GSTA4: variants seen among roughly 807,000 people sequenced by gnomAD.
The protein encoded by GSTA4 is glutathione S-transferase A4.
A neutral mutation model predicts 24.4 loss-of-function variants in GSTA4; 15 were observed. The ratio of observed to expected loss-of-function variants is 0.61; its 90% CI spans 0.41 to 0.95. GSTA4 has a LOEUF of 0.95. Ranked by LOEUF, GSTA4 falls within the 40% of genes least tolerant of loss-of-function variation. The probability of loss-of-function intolerance (pLI) is 0.00; values close to 1 mark genes in which losing one functional copy is unlikely to be tolerated. For missense variants in GSTA4, 244 were observed against 262.1 expected, an observed-to-expected ratio of 0.93 and a Z score of 0.48; for synonymous variants, 92 against 94.2, an observed-to-expected ratio of 0.98 and a Z score of 0.13.
At chr6:52,988,092 CCT>C (rs1452818952) in intron 2 of GSTA4, 1 of 152,008 alleles carries the variant, frequency 6.6e-6, no homozygotes, top group African/African-American at 2.4e-5. Flanking sequence ...AACTAGGGGT[CCT>C]ATAAGAGAAG....
At chr6:52,993,874 T>G (rs534079316) in intron 2 of GSTA4, 46 of 466,810 alleles carry the variant, frequency 9.9e-5, no homozygotes, top group African/African-American at 8.5e-4. Flanking sequence ...TCAGAGTAAC[T>G]GACAATTTTC....
At chr6:52,988,283 T>TAAA (rs5876296) in intron 2 of GSTA4, among the ~76,000 whole-genome samples, 2 of 146,804 alleles carry the variant, frequency 1.4e-5, no homozygotes. Flanking sequence ...ATGATGATGC[T>TAAA]AAAAAAAAAA....
In GSTA4 at chr6:52,994,275, G is replaced by A. The variant is rs772238834; in HGVS notation, c.-18-14C>T. 11 of 1,424,964 alleles carry A rather than the reference G, an allele frequency of 7.7e-6. No individual in the cohort carries two copies. The highest frequency in any genetic ancestry group is 1.4e-5 in the African/African-American group (1 of 71,358). 88.3% of individuals were successfully genotyped at this position (1,424,964 alleles called of 1,614,324 possible). A position where few individuals can be genotyped will look rare whatever the true frequency, so the allele number is the denominator to read the frequency against. The stretch of plus-strand genomic sequence containing the variant: ...TTTTCAGGCTTTCTGAAATACAAAT[G>A]CAGCAGCTCGTCGCAGACCAACAGT... On this transcript the variant is annotated splice_polypyrimidine_tract_variant and intron_variant, in intron 1 of 6. Coordinates refer to ENST00000370963, the MANE Select transcript of GSTA4 (RefSeq NM_001512.4).
intron 6 of GSTA4, among the ~76,000 whole-genome samples, chr6:52,980,200 T>G (rs1763423185): frequency 6.6e-6 from 1 of 152,202 alleles, no homozygotes; most frequent in Non-Finnish European, 1.5e-5. Flanking sequence ...TACCCTAGAC[T>G]TTTAAAATCT....
chr6:52,987,429 CGT>C (rs771015923), intron 2 of GSTA4, 21 bp from the exon 3 acceptor site: 13 of 1,250,290 alleles, frequency 1.0e-5, no homozygotes, highest in Non-Finnish European at 1.5e-5. Flanking sequence ...AAAAAAGAAA[CGT>C]ATATATACAT....
At chr6:52,985,370 T>C (rs1240530632) in intron 4 of GSTA4, 81 bp downstream of exon 4, 3 of 1,300,178 alleles carry the variant, frequency 2.3e-6, no homozygotes, top group Non-Finnish European at 3.2e-6. Context: ...ATAAAGTAAA[T>C]GTGGTGTGCT....
In GSTA4 at chr6:52,980,138, A is replaced by G. The variant is rs138843002; in HGVS notation, c.547-1546T>C. On this transcript the variant is annotated intron_variant, in intron 6 of 6. Transcript: ENST00000370963. ...TATTATAGTATCATCAATGTAAAATACCAATAGGTCCTGGTGCTACAGTTT... is the reference window on the plus strand; with the variant it reads ...TATTATAGTATCATCAATGTAAAATGCCAATAGGTCCTGGTGCTACAGTTT... 4.4e-3 allele frequency among the ~76,000 whole-genome samples: 668 copies of G among 152,292 alleles called. 16 individuals carry two copies. The highest frequency in any genetic ancestry group is 0.038 in the Admixed American group (584 of 15,294).
chr6:52,988,351 T>C (rs1763602759), intron 2 of GSTA4, among the ~76,000 whole-genome samples: 1 of 151,956 alleles, frequency 6.6e-6, no homozygotes, highest in Non-Finnish European at 1.5e-5. Context: ...GTTACTTAAT[T>C]ATGATAAAGG....
chr6:52,992,570 C>T (rs1763681565), intron 2 of GSTA4, among the ~76,000 whole-genome samples: 2 of 152,194 alleles, frequency 1.3e-5, no homozygotes, highest in African/African-American at 2.4e-5. Context: ...AATATGATGA[C>T]GTGAACATAC....
chr6:52,978,450 TCA>T lies in GSTA4; in HGVS notation c.*18_*19del. On this transcript the variant is annotated 3_prime_UTR_variant, in exon 7 of 7. Transcript: ENST00000370963. ...ACCATCTCTAGGAACACACTGTCAC[TCA>T]CACATGGATGTGTTGTTTTATGGCC... 6.2e-7 allele frequency: 1 copy of T among 1,610,500 alleles called. No homozygotes were observed. The highest frequency in any genetic ancestry group is 8.5e-7 in the Non-Finnish European group (1 of 1,177,152).
At chr6:52,993,827 A>G (rs568055312) in intron 2 of GSTA4, among the ~76,000 whole-genome samples, 1 of 152,368 alleles carries the variant, frequency 6.6e-6, no homozygotes, top group East Asian at 1.9e-4. Context: ...TGAAGAAAAC[A>G]AGAAATTTAC....
At chr6:52,984,753 G>C in intron 4 of GSTA4, 148 bp from the exon 5 acceptor site, 2 of 665,670 alleles carry the variant, frequency 3.0e-6, no homozygotes, top group Non-Finnish European at 5.1e-6. Flanking sequence ...TGTCTCTTAA[G>C]AGCAAAGATA....
Position 52,978,386 on chromosome 6 carries a change from G to T in GSTA4, c.*84C>A. The stretch of plus-strand genomic sequence containing the variant: ...CAACTTAATACATAGATAGCACCAT[G>T]ACAGAGCTGGGATCCATTAAGACAT... On this transcript the variant is annotated 3_prime_UTR_variant, in exon 7 of 7. Transcript: ENST00000370963. 7.3e-7 allele frequency: 1 copy of T among 1,373,416 alleles called. No individual in the cohort carries two copies. Among genetic ancestry groups the T allele is most frequent in the Non-Finnish European group, 1.0e-6 (1 of 985,582 alleles). 85.1% of individuals were successfully genotyped at this position (1,373,416 alleles called of 1,614,324 possible). A position where few individuals can be genotyped will look rare whatever the true frequency, so the allele number is the denominator to read the frequency against.
intron 1 of GSTA4, among the ~76,000 whole-genome samples, chr6:52,994,700 A>G (rs535519142): frequency 6.6e-6 from 1 of 152,260 alleles, no homozygotes; most frequent in South Asian, 2.1e-4. Flanking sequence ...TACATACATC[A>G]TCATATTTTA....
At position 52,992,822 on chromosome 6, in the gene GSTA4, C is replaced by T. The variant is rs570425554; in HGVS notation, c.87+1335G>A. Among the ~76,000 whole-genome samples the T allele has an allele frequency of 3.3e-5, 5 of 152,198 alleles. No homozygotes were observed. The South Asian group carries it at 6.2e-4, about 19-fold the overall frequency. On this transcript the variant is annotated intron_variant, in intron 2 of 6. Transcript: ENST00000370963. ...TAGTAAAAGGACATTAGCAAAGGGC[C>T]GGGCGTGGTGGTTCACACCTGTAAT... is the stretch of plus-strand genomic sequence containing the variant.
rs1036472542 is a variant in GSTA4 at position 52,992,212 on chromosome 6, A to ATCAGTGG, written c.87+1944_87+1945insCCACTGA. 4.6e-5 allele frequency among the ~76,000 whole-genome samples: 7 copies of ATCAGTGG among 152,344 alleles called. 1 individual carries two copies. The highest frequency in any genetic ancestry group is 6.5e-5 in the Admixed American group (1 of 15,306). ...TAAAAAAAGGTAAACCTGAAAGAGC[A>ATCAGTGG]CCAGTGGCTAAAGCTGAAACAATTT... On this transcript the variant is annotated intron_variant, in intron 2 of 6. Coordinates refer to ENST00000370963, the MANE Select transcript of GSTA4 (RefSeq NM_001512.4).
At chr6:52,992,725 G>T (rs562327357) in intron 2 of GSTA4, among the ~76,000 whole-genome samples, 3 of 152,180 alleles carry the variant, frequency 2.0e-5, no homozygotes, top group Admixed American at 6.5e-5. Flanking sequence ...TGAAGGAAAC[G>T]ACTGGGAAAT....
intron 5 of GSTA4, 44 bp downstream of exon 5, chr6:52,984,420 T>C: frequency 6.4e-7 from 1 of 1,567,276 alleles, no homozygotes; most frequent in Non-Finnish European, 8.7e-7. Context: ...CTTTGTGGTT[T>C]GTGGTTTGGT....
At chr6:52,990,625 T>C (rs966508484) in intron 2 of GSTA4, among the ~76,000 whole-genome samples, 4 of 152,214 alleles carry the variant, frequency 2.6e-5, no homozygotes, top group Non-Finnish European at 5.9e-5. Flanking sequence ...ACTAAAAATG[T>C]TGACTCATAG....
Sources: allele counts gnomAD v4.1 joint callset (sites outside exome capture counted in the v4.1 genomes callset), GRCh38; gene constraint gnomAD v4.1.1; transcripts MANE v1.5; gene names NCBI Gene and HGNC (gene_info 2026-07-23, HGNC 2026-07-21).